The following TBC1D5 variants were observed in gnomAD, a reference collection of about 807,000 sequenced individuals.
TBC1D5 encodes the protein TBC1 domain family member 5, also known as TBC1 domain family, member 5.
TBC1D5 carries 75 observed loss-of-function variants against 100.3 expected under a neutral mutation model. That is an observed-to-expected ratio of 0.75 (90% CI 0.62 to 0.91). The LOEUF (loss-of-function observed/expected upper bound fraction) is 0.91, where lower values mean the gene tolerates loss of function less well. TBC1D5 is among the 40% of genes least tolerant of loss of function. TBC1D5 has a pLI of 0.00. For synonymous variants in TBC1D5, 323 were observed against 325.6 expected (o/e 0.99, Z 0.09); for missense variants, 910 against 942.4 (o/e 0.97, Z 0.45).
chr3:17,413,954 G>C (rs1269855693), intron 4 of TBC1D5, among the ~76,000 whole-genome samples: 2 of 152,180 alleles, frequency 1.3e-5, no homozygotes, highest in Non-Finnish European at 2.9e-5. Context: ...AAATTGCTGA[G>C]TGGTTAAGAG....
intron 1 of TBC1D5, among the ~76,000 whole-genome samples, chr3:17,658,938 G>T (rs1057419987): frequency 1.3e-5 from 2 of 152,186 alleles, no homozygotes; most frequent in African/African-American, 4.8e-5. Flanking sequence ...GATTACAGGT[G>T]TGAGTCACTG....
chr3:17,568,819 T>C (rs2096608737), intron 2 of TBC1D5, among the ~76,000 whole-genome samples: 2 of 151,750 alleles, frequency 1.3e-5, no homozygotes, highest in Admixed American at 1.3e-4. Context: ...ATTGCCCAAG[T>C]TTTACTCATG....
At chr3:17,512,086 A>C (rs2095915754) in intron 2 of TBC1D5, among the ~76,000 whole-genome samples, 1 of 152,046 alleles carries the variant, frequency 6.6e-6, no homozygotes, top group South Asian at 2.1e-4. Flanking sequence ...TTTGTCGGTT[A>C]CTGCTATTGG....
At chr3:17,454,299 G>C (rs900732453) in intron 3 of TBC1D5, among the ~76,000 whole-genome samples, 18 of 151,858 alleles carry the variant, frequency 1.2e-4, no homozygotes, top group Admixed American at 1.2e-3. Flanking sequence ...CGGTATAAAT[G>C]GTATCCGAAT....
chr3:17,560,899 C>T (rs577395085), intron 2 of TBC1D5, among the ~76,000 whole-genome samples: 38 of 150,236 alleles, frequency 2.5e-4, no homozygotes, highest in African/African-American at 9.1e-4. Context: ...CCAGCCTGGG[C>T]GACAGAGCAA....
chr3:17,248,289 GCCTGATGTCTTGAATC>G lies in TBC1D5; in HGVS notation c.1332-9886_1332-9871del, dbSNP rs372627113. ...TTACAGGCGTGAGCCACTGCGCCCGGCCTGATGTCTTGAATCCCTCTGAGTCATTGATGAGTGTTGA... is the reference window on the plus strand; with the variant it reads ...TTACAGGCGTGAGCCACTGCGCCCGGCCTCTGAGTCATTGATGAGTGTTGA... On this transcript the variant is annotated intron_variant, in intron 16 of 21. Transcript: ENST00000253692. Among the ~76,000 whole-genome samples, 1,394 of 152,296 alleles carry G rather than the reference GCCTGATGTCTTGAATC, an allele frequency of 9.2e-3. 21 individuals carry two copies. Among genetic ancestry groups the G allele is most frequent in the African/African-American group, 0.031 (1,301 of 41,558 alleles).
At chr3:17,342,327 A>AGATAAT (rs1176025728) in intron 13 of TBC1D5, among the ~76,000 whole-genome samples, 6 of 152,306 alleles carry the variant, frequency 3.9e-5, no homozygotes, top group African/African-American at 1.4e-4. Context: ...TGCTTGAACC[A>AGATAAT]CTTCCTGATT....
intron 4 of TBC1D5, among the ~76,000 whole-genome samples, chr3:17,422,908 T>A (rs537846048): frequency 6.6e-6 from 1 of 152,210 alleles, no homozygotes; most frequent in African/African-American, 2.4e-5. Flanking sequence ...GTGCCAAAGC[T>A]TGAAGCCTAA....
At position 17,625,988 on chromosome 3, in the gene TBC1D5, G is replaced by A. The variant is rs147310397; in HGVS notation, c.-100-2075C>T. Among the ~76,000 whole-genome samples, 20 of 151,684 alleles carry A rather than the reference G, an allele frequency of 1.3e-4. No homozygotes were observed. In the East Asian group the frequency reaches 2.3e-3, roughly 18 times the overall value. On this transcript the variant is annotated intron_variant, in intron 1 of 21. Transcript: ENST00000253692. ...AATTTACTAAAATTATTTTAATGTC[G>A]GGCACCAATTAATCATTCTTTCCAT...
At chr3:17,625,855 T>C (rs2063008392) in intron 1 of TBC1D5, among the ~76,000 whole-genome samples, 2 of 152,140 alleles carry the variant, frequency 1.3e-5, no homozygotes, top group Non-Finnish European at 2.9e-5. Flanking sequence ...TTTAGTATAT[T>C]AACTAAAAAT....
At chr3:17,307,342 C>A (rs1477204176) in intron 14 of TBC1D5, among the ~76,000 whole-genome samples, 2 of 152,058 alleles carry the variant, frequency 1.3e-5, no homozygotes, top group Admixed American at 1.3e-4. Context: ...AGACAGAAAA[C>A]AATTTTGAAG....
intron 4 of TBC1D5, among the ~76,000 whole-genome samples, chr3:17,419,913 G>A (rs2094168109): frequency 6.6e-6 from 1 of 151,966 alleles, no homozygotes. Context: ...GCCCAGGCTG[G>A]TCTTCAACTC....
intron 2 of TBC1D5, among the ~76,000 whole-genome samples, chr3:17,547,373 C>A (rs1224211449): frequency 6.6e-6 from 1 of 151,906 alleles, no homozygotes; most frequent in Non-Finnish European, 1.5e-5. Context: ...AAATTAAAGC[C>A]CTCCTTACCT....
At chr3:17,176,002 T>A (rs2067682425) in intron 19 of TBC1D5, among the ~76,000 whole-genome samples, 1 of 152,202 alleles carries the variant, frequency 6.6e-6, no homozygotes, top group South Asian at 2.1e-4. Flanking sequence ...ATGGGTTTTG[T>A]GGCTATTGGA....
intron 16 of TBC1D5, among the ~76,000 whole-genome samples, chr3:17,242,949 G>T (rs572284961): frequency 3.3e-5 from 5 of 152,096 alleles, no homozygotes; most frequent in African/African-American, 7.2e-5. Flanking sequence ...AGTGTGAAAG[G>T]TCTGTTAGAT....
chr3:17,174,225 G>C lies in TBC1D5; in HGVS notation c.1853-6397C>G, dbSNP rs191174689. Among the ~76,000 whole-genome samples, 16 of 152,290 alleles carry C rather than the reference G, an allele frequency of 1.1e-4. No homozygotes were observed. The East Asian group carries it at 2.5e-3, about 24-fold the overall frequency. ...TCTCACTCTTGGACAATAATTCAAT[G>C]ATGAGGCTCAGAGACTGAATGTTTC... is the stretch of plus-strand genomic sequence containing the variant. On this transcript the variant is annotated intron_variant, in intron 19 of 21. Coordinates refer to ENST00000253692, the Ensembl canonical transcript of TBC1D5.
intron 13 of TBC1D5, among the ~76,000 whole-genome samples, chr3:17,351,527 A>G (rs1191780710): frequency 6.6e-6 from 1 of 152,146 alleles, no homozygotes; most frequent in Non-Finnish European, 1.5e-5. Context: ...GGAGTTGAAC[A>G]ATGAGAATAT....
chr3:17,460,351 C>T (rs1387568696), intron 3 of TBC1D5, among the ~76,000 whole-genome samples: 1 of 152,182 alleles, frequency 6.6e-6, no homozygotes, highest in Non-Finnish European at 1.5e-5. Flanking sequence ...TTCATCCTTC[C>T]ACATCTTTGG....
chr3:17,276,732 G>GCTT (rs1288193819), intron 15 of TBC1D5, among the ~76,000 whole-genome samples: 2 of 152,160 alleles, frequency 1.3e-5, no homozygotes, highest in Non-Finnish European at 2.9e-5. Context: ...CACCAAATGT[G>GCTT]CTTCTTCTTC....
Sources: gnomAD v4.1 joint callset for allele counts (sites outside exome capture counted in the v4.1 genomes callset) on GRCh38, gnomAD v4.1.1 for gene constraint, MANE v1.5 for transcripts, NCBI Gene and HGNC (gene_info 2026-07-23, HGNC 2026-07-21) for gene names.